PI4KB: variants seen among roughly 807,000 people sequenced by gnomAD.
PI4KB encodes the protein PtdIns 4-kinase beta.
In PI4KB, 23 loss-of-function variants were observed where a neutral mutation model predicts 81.4. The ratio of observed to expected loss-of-function variants is 0.28; its 90% CI spans 0.20 to 0.40. The LOEUF is 0.40. Ranked by LOEUF, PI4KB falls within the 10% of genes least tolerant of loss-of-function variation. The pLI is 1.00. For synonymous variants in PI4KB, 381 were observed against 406.8 expected, an observed-to-expected ratio of 0.94 and a Z score of 0.76; for missense variants, 651 against 1,036.6, an observed-to-expected ratio of 0.63 and a Z score of 5.11.
chr1:151,314,278 CCTT>C (rs1222882988), intron 2 of PI4KB, among the ~76,000 whole-genome samples: 2 of 152,200 alleles, frequency 1.3e-5, no homozygotes, highest in African/African-American at 4.8e-5. Flanking sequence ...GCAAATTCCT[CCTT>C]TTTTTCTCCC....
chr1:151,301,042 A>G (rs1695226013), intron 8 of PI4KB: 1 of 152,262 alleles, frequency 6.6e-6, no homozygotes, highest in Admixed American at 6.5e-5. Context: ...TGCAGGTCAC[A>G]AAAGGGCCAA....
chr1:151,301,750 T>C, intron 8 of PI4KB, 94 bp downstream of exon 8: 1 of 1,201,954 alleles, frequency 8.3e-7, no homozygotes, highest in South Asian at 1.3e-5. Context: ...GCCAGGCTGA[T>C]CTTGAACTCC....
At chr1:151,307,445 T>A (rs1228044098) in intron 4 of PI4KB, 129 bp downstream of exon 4, 1 of 639,396 alleles carries the variant, frequency 1.6e-6, no homozygotes, top group East Asian at 2.7e-5. Context: ...ATGGTTGACA[T>A]ATGCATCATG....
chr1:151,321,672 G>C (rs1648860240), intron 1 of PI4KB, among the ~76,000 whole-genome samples: 1 of 151,872 alleles, frequency 6.6e-6, no homozygotes, highest in Admixed American at 6.6e-5. Context: ...AGGAGATGGA[G>C]ACCATCCTGG....
At chr1:151,293,285 T>A in intron 11 of PI4KB, 1 of 1,387,356 alleles carries the variant, frequency 7.2e-7, no homozygotes, top group Non-Finnish European at 9.5e-7. Flanking sequence ...CACATCTCCC[T>A]CAGTAAGGGT....
chr1:151,327,210 A>AGCGGG, intron 1 of PI4KB, 61 bp downstream of exon 1: 1 of 135,752 alleles, frequency 7.4e-6, no homozygotes, highest in East Asian at 1.8e-4. Flanking sequence ...ACAGGGTGGG[A>AGCGGG]GAGGGACCCC....
In PI4KB at chr1:151,306,175, C is replaced by T; in HGVS notation, c.1371G>A (p.Glu457=). The part of the protein sequence containing the change: ...STVPNYDNDD[E]AWSVDDIGEL... ...CGCCTATGTCATCCACCGACCAGGC[C>T]TCATCATCGTTGTCATAGTTGGGCA... Residue 457 remains glutamate, a synonymous_variant, in exon 5 of 12, where the codon GAG becomes GAA. Coordinates refer to ENST00000368873, the MANE Select transcript of PI4KB (RefSeq NM_001369623.2). 6.2e-7 allele frequency: 1 copy of T among 1,614,202 alleles called. No individual in the cohort carries two copies. Among genetic ancestry groups the T allele is most frequent in the Non-Finnish European group, 8.5e-7 (1 of 1,180,046 alleles).
intron 6 of PI4KB, among the ~76,000 whole-genome samples, chr1:151,302,872 C>T (rs587716294): frequency 1.3e-4 from 19 of 149,542 alleles, no homozygotes; most frequent in East Asian, 2.0e-4. Flanking sequence ...CGTGAGCCAC[C>T]GCACCCAGCC....
chr1:151,296,208 C>A (rs1694774156), intron 9 of PI4KB, among the ~76,000 whole-genome samples: 1 of 152,182 alleles, frequency 6.6e-6, no homozygotes, highest in South Asian at 2.1e-4. Flanking sequence ...GATCACGCCA[C>A]TGCACTCCAG....
rs1694425606 is a variant in PI4KB, at chr1:151,292,988, A to C, written c.2315T>G (p.Leu772Arg). 6.2e-7 allele frequency: 1 copy of C among 1,613,864 alleles called. No individual in the cohort carries two copies. Among genetic ancestry groups the C allele is most frequent in the Non-Finnish European group, 8.5e-7 (1 of 1,179,996 alleles). Residue 772 changes from leucine (L) to arginine (R), a missense_variant, in exon 12 of 12, where the codon CTC (leucine) becomes CGC (arginine). Leu to Arg is a moderately radical substitution (Grantham distance 102). Around this residue, in one of 5 missense-constraint regions of PI4KB, gnomAD observed 70 missense variants for 108.1 expected, o/e 0.65. Transcript: ENST00000368873. ...CFHGSSTIRN[L>R]KERFHMSMTE... ...CATGCTCATGTGGAACCTCTCTTTG[A>C]GGTTTCGAATGGTGCTGGAGCCATG... is the stretch of plus-strand genomic sequence containing the variant.
intron 11 of PI4KB, 152 bp from the exon 12 acceptor site, chr1:151,293,185 G>C: frequency 6.8e-7 from 1 of 1,469,232 alleles, no homozygotes; most frequent in Non-Finnish European, 9.0e-7. Flanking sequence ...TGGGCAGAGA[G>C]AAGGAACCGG....
In PI4KB at chr1:151,293,063, TG is replaced by T. The variant is rs746423612; in HGVS notation, c.2270-31del. ...GGGAAGCAGTCGGAGTTCAGGGTCA[TG>T]GATGGACGGGAGGGGCAGTGGTGTC... On this transcript the variant is annotated intron_variant, in intron 11 of 11. Transcript: ENST00000368873. 16 of 1,609,450 alleles carry T rather than the reference TG, an allele frequency of 9.9e-6. 1 individual carries two copies. Among genetic ancestry groups the T allele is most frequent in the Middle Eastern group, 1.7e-4 (1 of 6,024 alleles).
At chr1:151,324,966 A>T in intron 1 of PI4KB, 284 of 618,442 alleles carry the variant, frequency 4.6e-4, no homozygotes, top group Middle Eastern at 8.4e-4. Context: ...CTGGTTGGGG[A>T]TGCTTCCAAG....
rs1695758533 is a variant in PI4KB, at chr1:151,306,349, A to G, written c.1197T>C (p.Ile399=). 1 of 1,612,908 alleles carries G rather than the reference A, an allele frequency of 6.2e-7. No individual in the cohort carries two copies. The highest frequency in any genetic ancestry group is 8.5e-7 in the Non-Finnish European group (1 of 1,178,938). The change falls in exon 5 of 12, where the codon ATT becomes ATC. Residue 399 remains isoleucine (I), a synonymous_variant. Transcript: ENST00000368873. ...LNSKDKAPYL[I]YVEVLECENF... Reference sequence around the variant, plus strand: ...TTTCACATTCAAGGACTTCCACATAAATCAGGTAGGGAGCCTGGGGGAAGA... The same window carrying G: ...TTTCACATTCAAGGACTTCCACATAGATCAGGTAGGGAGCCTGGGGGAAGA...
chr1:151,293,212 C>T, intron 11 of PI4KB, 179 bp from the exon 12 acceptor site: 9 of 985,348 alleles, frequency 9.1e-6, no homozygotes, highest in Non-Finnish European at 1.1e-5. Flanking sequence ...CCCCTCATCA[C>T]CCCACGCCTA....
Position 151,307,793 on chromosome 1 carries a change from T to C in PI4KB, c.963A>G (p.Arg321=). Residue 321 remains arginine, a synonymous_variant, in exon 4 of 12, where the codon CGA becomes CGG. Transcript: ENST00000368873. ...TGATGAATTCTCTCTCAGGAGCCAG[T>C]CGAACAGGCTACAGGGGTTTGGGGT... ...SIDNSFSSPV[R]LAPEREFIKS... 6.2e-7 allele frequency: 1 copy of C among 1,613,190 alleles called. No individual in the cohort carries two copies. The highest frequency in any genetic ancestry group is 8.5e-7 in the Non-Finnish European group (1 of 1,179,166).
At chr1:151,325,550 C>T (rs1235926397) in intron 1 of PI4KB, among the ~76,000 whole-genome samples, 1 of 152,126 alleles carries the variant, frequency 6.6e-6, no homozygotes, top group Non-Finnish European at 1.5e-5. Flanking sequence ...ATACTTTCTA[C>T]CTATAGAATC....
At position 151,308,754 on chromosome 1, in the gene PI4KB, G is replaced by A. The variant is rs150677877; in HGVS notation, c.955-953C>T. ...TCTTCCCAGTCTAAGCCCTTCTACC[G>A]TAAGGGGCATTTTATCAAGACAGCC... On this transcript the variant is annotated intron_variant, in intron 3 of 11. Coordinates refer to ENST00000368873, the MANE Select transcript of PI4KB (RefSeq NM_001369623.2). Among the ~76,000 whole-genome samples, 521 of 152,292 alleles carry A rather than the reference G, an allele frequency of 3.4e-3. 2 individuals are homozygous for A. The highest frequency in any genetic ancestry group is 0.014 in the Middle Eastern group (4 of 294).
intron 1 of PI4KB, among the ~76,000 whole-genome samples, chr1:151,324,220 C>T (rs543710104): frequency 2.0e-5 from 3 of 152,270 alleles, no homozygotes; most frequent in South Asian, 2.1e-4. Context: ...CTCAGCCTCC[C>T]GAAGTGCTGG....
Sources: allele counts gnomAD v4.1 joint callset (sites outside exome capture counted in the v4.1 genomes callset), GRCh38; gene constraint gnomAD v4.1.1; regional missense constraint gnomAD v4.1.1; transcripts MANE v1.5; gene names NCBI Gene and HGNC (gene_info 2026-07-23, HGNC 2026-07-21).